CHRM3: variants seen among roughly 807,000 people sequenced by gnomAD.
CHRM3 encodes the protein cholinergic receptor muscarinic 3.
In CHRM3, 11 loss-of-function variants were observed where a neutral mutation model predicts 41.8. The ratio of observed to expected loss-of-function variants is 0.26; its 90% confidence interval spans 0.17 to 0.44. CHRM3 has a LOEUF of 0.44. Ranked by LOEUF, CHRM3 falls within the 20% of genes least tolerant of loss-of-function variation. The probability of loss-of-function intolerance (pLI) is 1.00; values close to 1 mark genes in which losing one functional copy is unlikely to be tolerated. For synonymous variants in CHRM3, 297 were observed against 301.4 expected (o/e 0.99, Z 0.15); for missense variants, 571 against 745.4 (o/e 0.77, Z 2.72).
At chr1:239,580,257 GTC>G (rs1491116972) in intron 3 of CHRM3, among the ~76,000 whole-genome samples, 1 of 50,684 alleles carries the variant, frequency 2.0e-5, no homozygotes, top group Admixed American at 2.3e-4. Context: ...AATACACACT[GTC>G]ACACACACAC....
At chr1:239,448,695 T>C (rs939168557) in intron 1 of CHRM3, among the ~76,000 whole-genome samples, 1 of 152,216 alleles carries the variant, frequency 6.6e-6, no homozygotes, top group African/African-American at 2.4e-5. Flanking sequence ...AAAATATTGC[T>C]GTAGGCTGTA....
At chr1:239,592,936 C>T (rs1349022420) in intron 3 of CHRM3, among the ~76,000 whole-genome samples, 2 of 151,940 alleles carry the variant, frequency 1.3e-5, no homozygotes, top group African/African-American at 2.4e-5. Flanking sequence ...ACCCCAGATC[C>T]GCTCCTCCCC....
chr1:239,777,159 G>A (rs1462408467), intron 5 of CHRM3, among the ~76,000 whole-genome samples: 3 of 152,154 alleles, frequency 2.0e-5, no homozygotes, highest in Admixed American at 2.0e-4. Context: ...TCTGGGAAAG[G>A]TTATTAAACA....
chr1:239,873,628 A>G lies in CHRM3; in HGVS notation c.-19-33805A>G, dbSNP rs113681218. 2.7e-3 allele frequency among the ~76,000 whole-genome samples: 406 copies of G among 152,080 alleles called. 2 individuals are homozygous for G. The highest frequency in any genetic ancestry group is 9.0e-3 in the African/African-American group (371 of 41,452). ...TGCTTCTACATGCTACTTTGCACCTATCACTGTCTGTTGAAAAACCTTTAG... is the reference window on the plus strand; with the variant it reads ...TGCTTCTACATGCTACTTTGCACCTGTCACTGTCTGTTGAAAAACCTTTAG... On this transcript the variant is annotated intron_variant, in intron 6 of 6. Coordinates refer to ENST00000676153, the MANE Select transcript of CHRM3 (RefSeq NM_001375978.1).
At chr1:239,511,942 A>G (rs1558278910) in intron 2 of CHRM3, among the ~76,000 whole-genome samples, 1 of 152,172 alleles carries the variant, frequency 6.6e-6, no homozygotes, top group South Asian at 2.1e-4. Flanking sequence ...AAAAAGAGGA[A>G]TCTGGTAGGA....
intron 5 of CHRM3, among the ~76,000 whole-genome samples, chr1:239,691,988 A>G (rs12028626): frequency 0.045 from 6,798 of 152,294 alleles, 182 homozygotes; most frequent in East Asian, 0.075. Flanking sequence ...AAAATGAATT[A>G]GCGATTTTAA....
intron 5 of CHRM3, among the ~76,000 whole-genome samples, chr1:239,794,813 GT>G (rs1669638982): frequency 6.6e-6 from 1 of 152,036 alleles, no homozygotes; most frequent in African/African-American, 2.4e-5. Flanking sequence ...CCATTTCTCT[GT>G]TCTGTTACTT....
chr1:239,443,423 T>C (rs555309936), intron 1 of CHRM3, among the ~76,000 whole-genome samples: 149 of 152,236 alleles, frequency 9.8e-4, no homozygotes, highest in Admixed American at 1.5e-3. Context: ...TCTAAATAAA[T>C]AATTATGAGA....
chr1:239,489,037 A>G (rs1410083603), intron 1 of CHRM3, among the ~76,000 whole-genome samples: 1 of 152,220 alleles, frequency 6.6e-6, no homozygotes, highest in African/African-American at 2.4e-5. Context: ...CTGGTTACAA[A>G]TAAGGATTTT....
intron 3 of CHRM3, among the ~76,000 whole-genome samples, chr1:239,568,193 C>A (rs994562797): frequency 2.0e-5 from 3 of 152,102 alleles, no homozygotes; most frequent in Non-Finnish European, 2.9e-5. Context: ...AGAAGGAGGG[C>A]AAAGGCCCAG....
At chr1:239,564,291 A>C (rs1661151808) in intron 3 of CHRM3, among the ~76,000 whole-genome samples, 1 of 152,194 alleles carries the variant, frequency 6.6e-6, no homozygotes, top group Non-Finnish European at 1.5e-5. Flanking sequence ...ATTCTTCCAA[A>C]TAAGGAAATA....
chr1:239,451,663 A>C (rs1572350960), intron 1 of CHRM3, among the ~76,000 whole-genome samples: 1 of 152,230 alleles, frequency 6.6e-6, no homozygotes, highest in African/African-American at 2.4e-5. Flanking sequence ...AACTTTAATA[A>C]GATATTTTAA....
chr1:239,828,981 T>C (rs1197527064), intron 6 of CHRM3, among the ~76,000 whole-genome samples: 3 of 152,222 alleles, frequency 2.0e-5, no homozygotes, highest in South Asian at 2.1e-4. Flanking sequence ...ATGCACACTA[T>C]GAGGGCTAGA....
intron 6 of CHRM3, among the ~76,000 whole-genome samples, chr1:239,838,497 T>G (rs574200702): frequency 6.6e-6 from 1 of 152,182 alleles, no homozygotes; most frequent in South Asian, 2.1e-4. Context: ...ATTCCTCCTC[T>G]TAGCATTTGT....
intron 2 of CHRM3, among the ~76,000 whole-genome samples, chr1:239,497,521 A>G (rs574175711): frequency 2.0e-5 from 3 of 152,184 alleles, no homozygotes; most frequent in African/African-American, 7.2e-5. Flanking sequence ...AGATCATACT[A>G]TCTGTTCCAA....
intron 1 of CHRM3, among the ~76,000 whole-genome samples, chr1:239,393,714 G>T (rs1449972213): frequency 6.6e-6 from 1 of 152,290 alleles, no homozygotes; most frequent in East Asian, 1.9e-4. Context: ...AAATCGGTCT[G>T]ACTAAACAAC....
chr1:239,597,261 C>G (rs1246952256), intron 3 of CHRM3, among the ~76,000 whole-genome samples: 1 of 152,158 alleles, frequency 6.6e-6, no homozygotes, highest in Non-Finnish European at 1.5e-5. Context: ...GTTCTCTTTT[C>G]TCTAAGAATT....
chr1:239,575,301 C>T (rs539140932), intron 3 of CHRM3, among the ~76,000 whole-genome samples: 1 of 152,270 alleles, frequency 6.6e-6, no homozygotes, highest in African/African-American at 2.4e-5. Flanking sequence ...AGTGATTCCT[C>T]TTTCAGTTGA....
rs188639614 is a variant in CHRM3 at position 239,407,723 on chromosome 1, C to T, written c.-521+20496C>T. Among the ~76,000 whole-genome samples the T allele has an allele frequency of 1.9e-3, 285 of 152,070 alleles. 1 individual carries two copies. The highest frequency in any genetic ancestry group is 2.3e-3 in the Non-Finnish European group (158 of 67,988). ...ATCAGATTTCCATGAATATGCCCAGCTTTGTTTCCATTAATGTTATTTTTC... is the reference window on the plus strand; with the variant it reads ...ATCAGATTTCCATGAATATGCCCAGTTTTGTTTCCATTAATGTTATTTTTC... On this transcript the variant is annotated intron_variant, in intron 1 of 6. Transcript: ENST00000676153.
Sources: gnomAD v4.1 joint callset for allele counts (sites outside exome capture counted in the v4.1 genomes callset) on GRCh38, gnomAD v4.1.1 for gene constraint, MANE v1.5 for transcripts, NCBI Gene and HGNC (gene_info 2026-07-23, HGNC 2026-07-21) for gene names.